Variants in XRCC5 observed in about 807,000 individuals in gnomAD.
XRCC5 encodes the protein X-ray repair cross complementing 5, also known as DNA repair protein Ku80.
A neutral mutation model predicts 95.7 loss-of-function variants in XRCC5; 12 were observed. That is an observed-to-expected ratio of 0.13 (90% CI 0.08 to 0.20). The LOEUF (loss-of-function observed/expected upper bound fraction) is 0.20, where lower values mean the gene tolerates loss of function less well. Ranked by LOEUF, XRCC5 falls within the 10% of genes least tolerant of loss-of-function variation. The pLI, the probability that XRCC5 is intolerant of heterozygous loss-of-function variation, is 1.00. For missense variants in XRCC5, 595 were observed against 873.9 expected, an observed-to-expected ratio of 0.68 and a Z score of 4.02; for synonymous variants, 281 against 290.3, an observed-to-expected ratio of 0.97 and a Z score of 0.33.
chr2:216,159,845 C>G (rs1034442623), intron 14 of XRCC5, among the ~76,000 whole-genome samples: 1 of 152,204 alleles, frequency 6.6e-6, no homozygotes, highest in Non-Finnish European at 1.5e-5. Flanking sequence ...AGGGCTGCCT[C>G]AAGTTAGGCC....
At chr2:216,165,011 G>A (rs1256488039) in intron 16 of XRCC5, among the ~76,000 whole-genome samples, 3 of 152,042 alleles carry the variant, frequency 2.0e-5, no homozygotes, top group East Asian at 1.9e-4. Flanking sequence ...AAGGGCAAGC[G>A]GACCCTAGAT....
intron 1 of XRCC5, 69 bp from the exon 2 acceptor site, chr2:216,112,947 C>G (rs1696615001): frequency 8.3e-7 from 1 of 1,207,048 alleles, no homozygotes; most frequent in Non-Finnish European, 1.2e-6. Flanking sequence ...ATACAATAAG[C>G]AAGGGACATT....
chr2:216,114,383 C>T (rs1268416927), intron 2 of XRCC5, among the ~76,000 whole-genome samples: 1 of 151,802 alleles, frequency 6.6e-6, no homozygotes, highest in Non-Finnish European at 1.5e-5. Context: ...ACCTGGAGTC[C>T]TTGAGGTGTT....
At chr2:216,179,066 T>G (rs957162135) in intron 16 of XRCC5, among the ~76,000 whole-genome samples, 1 of 152,162 alleles carries the variant, frequency 6.6e-6, no homozygotes, top group Non-Finnish European at 1.5e-5. Flanking sequence ...ACAAACTGAG[T>G]GCCTTAAAGC....
At chr2:216,118,945 C>A in intron 4 of XRCC5, 98 bp from the exon 5 acceptor site, 1 of 1,276,332 alleles carries the variant, frequency 7.8e-7, no homozygotes, top group Non-Finnish European at 1.1e-6. Context: ...ACTCTAGATC[C>A]ATTTCTAAGC....
chr2:216,189,734 G>C (rs2106046630), intron 16 of XRCC5, among the ~76,000 whole-genome samples: 1 of 152,280 alleles, frequency 6.6e-6, no homozygotes, highest in African/African-American at 2.4e-5. Flanking sequence ...TTTAACCTTG[G>C]ATTGGTAGAA....
intron 1 of XRCC5, among the ~76,000 whole-genome samples, chr2:216,109,988 C>G (rs1347892477): frequency 2.0e-5 from 3 of 152,192 alleles, no homozygotes; most frequent in Non-Finnish European, 4.4e-5. Context: ...TTATTGAAAG[C>G]CCACTCTGTG....
chr2:216,159,398 T>C (rs1322616922), intron 14 of XRCC5, among the ~76,000 whole-genome samples: 1 of 152,206 alleles, frequency 6.6e-6, no homozygotes, highest in African/African-American at 2.4e-5. Context: ...ATGTTTGATA[T>C]ACTTTTCCTT....
At chr2:216,160,184 G>A (rs753612384) in intron 15 of XRCC5, 23 bp downstream of exon 15, 56 of 1,531,580 alleles carry the variant, frequency 3.7e-5, no homozygotes, top group Admixed American at 1.2e-4. Context: ...TTTCAAGTGC[G>A]CTTCCCCCTT....
intron 18 of XRCC5, among the ~76,000 whole-genome samples, chr2:216,193,570 T>G (rs1689659108): frequency 1.3e-5 from 2 of 152,236 alleles, no homozygotes; most frequent in Non-Finnish European, 2.9e-5. Context: ...TTTTCAGCCC[T>G]TTAACTTCTG....
intron 17 of XRCC5, among the ~76,000 whole-genome samples, chr2:216,191,414 T>C (rs899142085): frequency 2.1e-5 from 3 of 145,566 alleles, no homozygotes; most frequent in Non-Finnish European, 4.6e-5. Flanking sequence ...TTTCTTTTCC[T>C]TTTTTTTTTT....
chr2:216,123,197 T>C (rs942274654), intron 6 of XRCC5, among the ~76,000 whole-genome samples: 1 of 152,262 alleles, frequency 6.6e-6, no homozygotes, highest in East Asian at 1.9e-4. Flanking sequence ...ACTAGAATTT[T>C]TTTAAGTAGC....
chr2:216,196,710 T>C (rs968094803), intron 19 of XRCC5, among the ~76,000 whole-genome samples: 48 of 152,146 alleles, frequency 3.2e-4, no homozygotes, highest in African/African-American at 1.1e-3. Context: ...TCTTAAGGTC[T>C]TCACTTGATT....
intron 8 of XRCC5, among the ~76,000 whole-genome samples, chr2:216,129,100 T>G (rs1402408494): frequency 6.6e-6 from 1 of 152,170 alleles, no homozygotes; most frequent in African/African-American, 2.4e-5. Flanking sequence ...ATATGACAAC[T>G]GGTTGTAGGA....
At chr2:216,167,238 G>A (rs750618495) in intron 16 of XRCC5, among the ~76,000 whole-genome samples, 1 of 151,956 alleles carries the variant, frequency 6.6e-6, no homozygotes, top group Non-Finnish European at 1.5e-5. Flanking sequence ...TTTGGATTAC[G>A]TCTCATCCTA....
intron 1 of XRCC5, among the ~76,000 whole-genome samples, chr2:216,110,968 A>T (rs1002902068): frequency 6.6e-6 from 1 of 152,188 alleles, no homozygotes; most frequent in Admixed American, 6.5e-5. Flanking sequence ...GTGAAAAATA[A>T]TCTTTTCTTT....
chr2:216,135,538 GATGAGGCCCAGCACTTT>G (rs1697061127), intron 10 of XRCC5, among the ~76,000 whole-genome samples: 2 of 151,974 alleles, frequency 1.3e-5, no homozygotes, highest in Non-Finnish European at 2.9e-5. Context: ...AAAGGTGAGG[GATGAGGCCCAGCACTTT>G]GAGAGGCCAA....
intron 16 of XRCC5, among the ~76,000 whole-genome samples, chr2:216,176,478 A>G (rs1054789398): frequency 6.6e-6 from 1 of 152,220 alleles, no homozygotes; most frequent in Admixed American, 6.5e-5. Flanking sequence ...CAGTTTTAGT[A>G]ATATGTCTTT....
chr2:216,167,567 GGTTTGTGTGTGTGTGTGTGTGTGT>G, intron 16 of XRCC5, among the ~76,000 whole-genome samples: 1 of 86,558 alleles, frequency 1.2e-5, no homozygotes, highest in South Asian at 4.4e-4. Context: ...TGTGTGTGTG[GGTTTGTGTGTGTGTGTGTGTGTGT>G]GTGTGTGTGT....
Sources: gnomAD v4.1 joint callset for allele counts (sites outside exome capture counted in the v4.1 genomes callset) on GRCh38, gnomAD v4.1.1 for gene constraint, MANE v1.5 for transcripts, NCBI Gene and HGNC (gene_info 2026-07-23, HGNC 2026-07-21) for gene names.